The following SLC41A3 variants were observed in gnomAD, a reference collection of about 807,000 sequenced individuals.
SLC41A3 encodes SLC41A1-like 2.
SLC41A3 carries 44 observed loss-of-function variants against 45.4 expected under a neutral mutation model. The ratio of observed to expected loss-of-function variants is 0.97; its 90% CI spans 0.76 to 1.25. The LOEUF is 1.25. SLC41A3 is among the 50% of genes most tolerant of loss of function. The probability of loss-of-function intolerance (pLI) is 0.00; values close to 1 mark genes in which losing one functional copy is unlikely to be tolerated. For synonymous variants in SLC41A3, 256 were observed against 252.4 expected (o/e 1.01, Z -0.13); for missense variants, 550 against 600.6 (o/e 0.92, Z 0.88).
chr3:126,030,594 C>T (rs1222699708), intron 4 of SLC41A3, among the ~76,000 whole-genome samples: 1 of 152,082 alleles, frequency 6.6e-6, no homozygotes, highest in Non-Finnish European at 1.5e-5. Context: ...TCTGCAGGTA[C>T]TTATACAGGC....
chr3:126,067,843 G>T, intron 2 of SLC41A3, 104 bp downstream of exon 2: 1 of 1,431,710 alleles, frequency 7.0e-7, no homozygotes, highest in Non-Finnish European at 9.3e-7. Flanking sequence ...CTTTTCAAGA[G>T]GACTGCCCGA....
chr3:126,015,455 C>A (rs918228974), intron 8 of SLC41A3, 39 bp downstream of exon 8: 9 of 1,607,840 alleles, frequency 5.6e-6, no homozygotes, highest in African/African-American at 1.3e-5. Flanking sequence ...GTGGGCCTAC[C>A]CAACCCAGGG....
At chr3:126,015,879 C>G (rs1032787328) in intron 7 of SLC41A3, among the ~76,000 whole-genome samples, 2 of 152,180 alleles carry the variant, frequency 1.3e-5, no homozygotes, top group African/African-American at 4.8e-5. Flanking sequence ...CCCAAGACTC[C>G]GGCACCACGA....
chr3:126,039,242 A>G (rs1015052438), intron 3 of SLC41A3, among the ~76,000 whole-genome samples: 1 of 152,246 alleles, frequency 6.6e-6, no homozygotes, highest in Admixed American at 6.5e-5. Flanking sequence ...CACTGGTACA[A>G]CACTAATAAC....
rs576598736 is a variant in SLC41A3 at position 126,080,544 on chromosome 3, G to C, written c.-28+3549C>G. On this transcript the variant is annotated intron_variant, in intron 1 of 10. Transcript: ENST00000360370. ...CATTTTAAATGGCTTTTATAAAAAA[G>C]ACAGGGAATAATGGACACTGGTAAG... Among the ~76,000 whole-genome samples the C allele has an allele frequency of 5.8e-4, 88 of 152,324 alleles. No individual in the cohort carries two copies. In the South Asian group the frequency reaches 0.016, roughly 28 times the overall value.
chr3:126,012,743 C>T lies in SLC41A3; in HGVS notation c.977G>A (p.Gly326Asp). The T allele has an allele frequency of 1.9e-6, 3 of 1,614,204 alleles. No homozygotes were observed. Among genetic ancestry groups the T allele is most frequent in the African/African-American group, 1.3e-5 (1 of 75,066 alleles). ...GGTCTGAATGGCCACCAGATTGCCA[C>T]CAACACCTACGAGGAGAAAAGGAAT... ...AIFTPVICGV[G>D]GNLVAIQTSR... The change falls in exon 9 of 11, where the codon GGT (glycine) becomes GAT (aspartate). Residue 326 changes from glycine to aspartate, a missense_variant. Coordinates refer to ENST00000360370, the MANE Select transcript of SLC41A3 (RefSeq NM_017836.4).
intron 6 of SLC41A3, among the ~76,000 whole-genome samples, chr3:126,018,784 C>T (rs151231883): frequency 1.3e-5 from 2 of 152,328 alleles, no homozygotes; most frequent in Middle Eastern, 3.4e-3. Flanking sequence ...TACACCTCTG[C>T]CCTAAAGGTA....
intron 2 of SLC41A3, among the ~76,000 whole-genome samples, chr3:126,051,352 A>G (rs928423709): frequency 4.6e-5 from 7 of 152,200 alleles, no homozygotes; most frequent in Non-Finnish European, 1.0e-4. Context: ...AGAGGCATGC[A>G]CAGGTCCCGG....
In SLC41A3 at chr3:126,083,465, GGA is replaced by G. The variant is rs201784389; in HGVS notation, c.-28+626_-28+627del. 2.1e-3 allele frequency among the ~76,000 whole-genome samples: 315 copies of G among 152,352 alleles called. 7 individuals carry two copies. In the East Asian group the frequency reaches 0.051, roughly 25 times the overall value. On this transcript the variant is annotated intron_variant, in intron 1 of 10. Coordinates refer to ENST00000360370, the MANE Select transcript of SLC41A3 (RefSeq NM_017836.4). ...ACCTATCCCACCGGCTCTCCTGGAT[GGA>G]GAGAGTGTGGGACTCTGAGACAGAC...
chr3:126,079,236 ACACC>A (rs754738754), intron 1 of SLC41A3, among the ~76,000 whole-genome samples: 16,305 of 143,356 alleles, frequency 0.11, 1,025 homozygotes, highest in Middle Eastern at 0.16. Flanking sequence ...ACACACACAC[ACACC>A]CACACACGAT....
intron 4 of SLC41A3, among the ~76,000 whole-genome samples, chr3:126,031,381 A>C (rs1941783898): frequency 6.6e-6 from 1 of 152,188 alleles, no homozygotes; most frequent in African/African-American, 2.4e-5. Context: ...TCATTGCAGT[A>C]TAATCTTTCA....
chr3:126,086,777 A>G (rs1225698723), upstream of SLC41A3, among the ~76,000 whole-genome samples: 1 of 152,124 alleles, frequency 6.6e-6, no homozygotes, highest in Non-Finnish European at 1.5e-5. Flanking sequence ...AGGGAAAAAG[A>G]GGTCTTACAA....
intron 3 of SLC41A3, among the ~76,000 whole-genome samples, chr3:126,039,890 C>T (rs1278953733): frequency 2.6e-5 from 4 of 152,210 alleles, no homozygotes; most frequent in Non-Finnish European, 4.4e-5. Flanking sequence ...TAGTTCAGTG[C>T]ACTGAGAGGA....
chr3:126,049,790 G>A (rs957147343), intron 3 of SLC41A3, among the ~76,000 whole-genome samples: 3 of 152,164 alleles, frequency 2.0e-5, no homozygotes, highest in Admixed American at 1.3e-4. Context: ...CTAGAGGACA[G>A]GAGTCTGAAA....
At chr3:126,080,797 A>G (rs1945110034) in intron 1 of SLC41A3, among the ~76,000 whole-genome samples, 1 of 152,138 alleles carries the variant, frequency 6.6e-6, no homozygotes, top group Non-Finnish European at 1.5e-5. Flanking sequence ...CTAAAATACA[A>G]AAAATTAGCT....
intron 2 of SLC41A3, among the ~76,000 whole-genome samples, chr3:126,053,057 C>T (rs2107905417): frequency 6.6e-6 from 1 of 152,338 alleles, no homozygotes; most frequent in Middle Eastern, 3.4e-3. Flanking sequence ...TGTCTGGTCA[C>T]ATCGGGTATC....
chr3:126,077,667 T>C (rs1944942620), intron 1 of SLC41A3, among the ~76,000 whole-genome samples: 1 of 152,196 alleles, frequency 6.6e-6, no homozygotes, highest in Admixed American at 6.5e-5. Flanking sequence ...GGCTTATGCC[T>C]CCCAACTGCT....
intron 2 of SLC41A3, among the ~76,000 whole-genome samples, chr3:126,064,665 C>CCCT (rs2107999103): frequency 6.6e-6 from 1 of 152,256 alleles, no homozygotes; most frequent in South Asian, 2.1e-4. Flanking sequence ...CATGAAACAC[C>CCCT]CCTCCAGCCA....
At chr3:126,008,911 G>A (rs756965220) in intron 9 of SLC41A3, 31 bp from the exon 10 acceptor site, 15 of 1,608,852 alleles carry the variant, frequency 9.3e-6, no homozygotes, top group Non-Finnish European at 1.1e-5. Context: ...AAGGTCATGT[G>A]ACCTGAAGCG....
Sources: gnomAD v4.1 joint callset for allele counts (sites outside exome capture counted in the v4.1 genomes callset) on GRCh38, gnomAD v4.1.1 for gene constraint, MANE v1.5 for transcripts, NCBI Gene and HGNC (gene_info 2026-07-23, HGNC 2026-07-21) for gene names.